The following FGF12 variants were observed in gnomAD, a reference collection of about 807,000 sequenced individuals.
FGF12 encodes the protein fibroblast growth factor 12B.
FGF12 carries 14 observed loss-of-function variants against 23.6 expected under a neutral mutation model. That is an observed-to-expected ratio of 0.59 (90% confidence interval 0.39 to 0.93). The LOEUF is 0.93. FGF12 is among the 40% of genes least tolerant of loss of function. The pLI, the probability that FGF12 is intolerant of heterozygous loss-of-function variation, is 0.00. For synonymous variants in FGF12, 62 were observed against 77.3 expected (o/e 0.80, Z 1.04); for missense variants, 175 against 217.8 (o/e 0.80, Z 1.24).
At chr3:192,661,545 T>C (rs1716672805) in intron 2 of FGF12, among the ~76,000 whole-genome samples, 1 of 152,042 alleles carries the variant, frequency 6.6e-6, no homozygotes, top group Admixed American at 6.6e-5. Flanking sequence ...AAATCATTGA[T>C]GTAAAGAGGA....
rs1000279465 is a variant in FGF12, at chr3:192,151,056, G to T, written c.428-6929C>A. The stretch of plus-strand genomic sequence containing the variant: ...CACCCCTTGTAAGTTGGATTCCTAG[G>T]TATTTTATTCTCTTTGAAGCAATTG... On this transcript the variant is annotated intron_variant, in intron 5 of 5. Transcript: ENST00000445105. Among the ~76,000 whole-genome samples the T allele has an allele frequency of 2.1e-5, 3 of 145,504 alleles. No individual in the cohort carries two copies. The Admixed American group carries it at 2.1e-4, about 10-fold the overall frequency.
intron 2 of FGF12, among the ~76,000 whole-genome samples, chr3:192,527,066 A>C (rs1457060692): frequency 6.6e-6 from 1 of 152,176 alleles, no homozygotes; most frequent in Non-Finnish European, 1.5e-5. Context: ...TATTGATAAA[A>C]TTTGGAGGTG....
In FGF12 at chr3:192,553,773, A is replaced by G. The variant is rs1711628168; in HGVS notation, c.13+173408T>C. Among the ~76,000 whole-genome samples, 3 of 152,190 alleles carry G rather than the reference A, an allele frequency of 2.0e-5. No homozygotes were observed. The South Asian group carries it at 6.2e-4, about 32-fold the overall frequency. The stretch of plus-strand genomic sequence containing the variant: ...TTCTCTCTGGGGAGGAAACGAAAAG[A>G]CTAAAACACATCCAAAACTCAGACT... On this transcript the variant is annotated intron_variant, in intron 2 of 5. Transcript: ENST00000445105.
At chr3:192,275,472 TG>T (rs1713723294) in intron 4 of FGF12, among the ~76,000 whole-genome samples, 1 of 152,208 alleles carries the variant, frequency 6.6e-6, no homozygotes, top group Non-Finnish European at 1.5e-5. Context: ...AATGCAAAAT[TG>T]CTTGACTCTA....
intron 4 of FGF12, among the ~76,000 whole-genome samples, chr3:192,234,209 G>C (rs1187739599): frequency 1.3e-5 from 2 of 151,922 alleles, no homozygotes; most frequent in African/African-American, 2.4e-5. Context: ...TTTTCTTTTT[G>C]TTTGTGTCAT....
chr3:192,456,066 G>A (rs1355633766), intron 2 of FGF12, among the ~76,000 whole-genome samples: 2 of 152,148 alleles, frequency 1.3e-5, no homozygotes, highest in African/African-American at 4.8e-5. Flanking sequence ...CTGAAAAGAT[G>A]ATTGATACAT....
intron 2 of FGF12, among the ~76,000 whole-genome samples, chr3:192,381,698 G>GA (rs765577288): frequency 6.6e-6 from 1 of 152,052 alleles, no homozygotes; most frequent in African/African-American, 2.4e-5. Flanking sequence ...GTACGTGTCA[G>GA]AAAAAATGAG....
rs77564759 is a variant in FGF12, at chr3:192,302,134, C to T, written c.228+33227G>A. Among the ~76,000 whole-genome samples, 1,416 of 152,220 alleles carry T rather than the reference C, an allele frequency of 9.3e-3. 25 individuals carry two copies. The highest frequency in any genetic ancestry group is 0.032 in the African/African-American group (1,333 of 41,518). On this transcript the variant is annotated intron_variant, in intron 4 of 5. Transcript: ENST00000445105. ...AAGTGACAGGGAGAAAAAAATCTAA[C>T]AGAACGCCTGCTAGGTGTTGAAGTA...
chr3:192,382,490 C>A (rs114613021), intron 2 of FGF12, among the ~76,000 whole-genome samples: 1 of 151,842 alleles, frequency 6.6e-6, no homozygotes, highest in Non-Finnish European at 1.5e-5. Flanking sequence ...GGCCTTTCTT[C>A]GCTTACCAAT....
chr3:192,326,234 G>A (rs1260924000), intron 4 of FGF12, among the ~76,000 whole-genome samples: 1 of 152,134 alleles, frequency 6.6e-6, no homozygotes, highest in African/African-American at 2.4e-5. Flanking sequence ...AGAGATAAAT[G>A]TCCCATCAAA....
chr3:192,209,582 T>C (rs1222459838), intron 4 of FGF12, among the ~76,000 whole-genome samples: 1 of 152,218 alleles, frequency 6.6e-6, no homozygotes, highest in African/African-American at 2.4e-5. Flanking sequence ...GTGAAGTGTT[T>C]TGTCATTCTG....
chr3:192,191,593 T>C (rs1366475249), intron 4 of FGF12, among the ~76,000 whole-genome samples: 1 of 152,172 alleles, frequency 6.6e-6, no homozygotes, highest in Non-Finnish European at 1.5e-5. Flanking sequence ...CCCAGCACTT[T>C]GGGAGGCTGA....
chr3:192,588,349 C>CAAAAAAAAAAAAAA (rs1201739223), intron 2 of FGF12, among the ~76,000 whole-genome samples: 2 of 66,976 alleles, frequency 3.0e-5, no homozygotes, highest in Non-Finnish European at 5.7e-5. Context: ...CAATCCGTCT[C>CAAAAAAAAAAAAAA]AAAAAAAAAA....
intron 2 of FGF12, among the ~76,000 whole-genome samples, chr3:192,468,801 C>T (rs964059075): frequency 6.6e-6 from 1 of 152,200 alleles, no homozygotes; most frequent in Non-Finnish European, 1.5e-5. Flanking sequence ...TAGCCTCCAT[C>T]AGGCACATTA....
intron 2 of FGF12, among the ~76,000 whole-genome samples, chr3:192,465,611 C>T (rs1019907012): frequency 2.0e-5 from 3 of 152,296 alleles, no homozygotes; most frequent in South Asian, 4.1e-4. Flanking sequence ...TGTGCACAGA[C>T]TGTCTATACA....
chr3:192,463,632 G>A (rs1044555080), intron 2 of FGF12, among the ~76,000 whole-genome samples: 18 of 151,966 alleles, frequency 1.2e-4, no homozygotes, highest in African/African-American at 3.9e-4. Context: ...AAAACCACCC[G>A]ACACCTTCCC....
At position 192,336,108 on chromosome 3, in the gene FGF12, TACACACAC is replaced by T. The variant is rs34991386; in HGVS notation, c.125-652_125-645del. Among the ~76,000 whole-genome samples the T allele has an allele frequency of 1.2e-4, 17 of 144,046 alleles. No homozygotes were observed. Among genetic ancestry groups the T allele is most frequent in the South Asian group, 2.2e-4 (1 of 4,512 alleles). The allele number at this position is 144,046 out of a possible 152,430, so 94.5% of individuals were successfully genotyped here. A position where few individuals can be genotyped will look rare whatever the true frequency, so the allele number is the denominator to read the frequency against. The stretch of plus-strand genomic sequence containing the variant: ...ATATATTTTATATCCAGGTGGGAAA[TACACACAC>T]ACACACACACACACACACACATATA... On this transcript the variant is annotated intron_variant, in intron 3 of 5. Transcript: ENST00000445105. The surrounding 1 kb of genome is among the most constrained non-coding windows in gnomAD (Gnocchi z 4.3).
At chr3:192,573,454 C>G (rs1712739226) in intron 2 of FGF12, among the ~76,000 whole-genome samples, 2 of 152,122 alleles carry the variant, frequency 1.3e-5, no homozygotes, top group Non-Finnish European at 2.9e-5. Flanking sequence ...AGTTGAAGGC[C>G]TGAGTAGAAC....
At chr3:192,184,833 G>A (rs1479303901) in intron 4 of FGF12, among the ~76,000 whole-genome samples, 2 of 152,062 alleles carry the variant, frequency 1.3e-5, no homozygotes, top group Non-Finnish European at 2.9e-5. Context: ...TTACAGTGTT[G>A]GATTACAAAT....
Sources: allele counts gnomAD v4.1 joint callset (sites outside exome capture counted in the v4.1 genomes callset), GRCh38; gene constraint gnomAD v4.1.1; non-coding constraint Gnocchi (gnomAD v3.1); transcripts MANE v1.5; gene names NCBI Gene and HGNC (gene_info 2026-07-23, HGNC 2026-07-21).